Variants in TNKS observed in about 807,000 individuals in gnomAD.
The protein encoded by TNKS is tankyrase.
Under a neutral mutation model 135.8 loss-of-function variants are expected in TNKS, and 72 were observed. The ratio of observed to expected loss-of-function variants is 0.53; its 90% confidence interval spans 0.44 to 0.64. TNKS has a LOEUF of 0.64. TNKS is among the 30% of genes least tolerant of loss of function. The pLI is 0.00. For synonymous variants in TNKS, 849 were observed against 649.3 expected (o/e 1.31, Z -4.68); for missense variants, 1,769 against 1,674.0 (o/e 1.06, Z -0.99).
intron 2 of TNKS, among the ~76,000 whole-genome samples, chr8:9,599,031 C>T (rs1285667574): frequency 6.6e-6 from 1 of 151,588 alleles, no homozygotes; most frequent in African/African-American, 2.4e-5. Context: ...TAGAGTTGTG[C>T]AAGCTTTATG....
At chr8:9,570,206 A>C (rs571444575) in intron 1 of TNKS, among the ~76,000 whole-genome samples, 117 of 152,254 alleles carry the variant, frequency 7.7e-4, no homozygotes, top group Non-Finnish European at 1.5e-3. Context: ...TTGGGAGTCC[A>C]AGGTGGGAGG....
chr8:9,585,545 A>C (rs1798343369), intron 2 of TNKS, among the ~76,000 whole-genome samples: 1 of 152,238 alleles, frequency 6.6e-6, no homozygotes, highest in South Asian at 2.1e-4. Context: ...GAAAAAAATT[A>C]GGCAAAGGAC....
intron 2 of TNKS, among the ~76,000 whole-genome samples, chr8:9,590,529 T>C (rs1264508685): frequency 6.6e-6 from 1 of 152,210 alleles, no homozygotes; most frequent in Middle Eastern, 3.2e-3. Context: ...CTTTGTGCCT[T>C]AATATAAACA....
chr8:9,634,729 C>T (rs1038898941), intron 3 of TNKS, among the ~76,000 whole-genome samples: 1 of 152,098 alleles, frequency 6.6e-6, no homozygotes, highest in African/African-American at 2.4e-5. Flanking sequence ...AGCAGTGAGA[C>T]CCCAATAGCA....
At position 9,709,983 on chromosome 8, in the gene TNKS, A is replaced by T; in HGVS notation, c.1607A>T (p.Lys536Ile). 6.2e-7 allele frequency: 1 copy of T among 1,614,028 alleles called. No homozygotes were observed. The highest frequency in any genetic ancestry group is 8.5e-7 in the Non-Finnish European group (1 of 1,180,020). Residue 536 changes from lysine (K) to isoleucine (I), a missense_variant, in exon 10 of 27, where the codon AAA becomes ATA. Physicochemically the swap from Lys to Ile is moderately radical, Grantham distance 102 (BLOSUM62 -3). This residue lies in a region of TNKS where 523 missense variants were observed against 541.0 expected (regional missense o/e 0.97). Transcript: ENST00000310430. ...TGTGCTGTGGCCTCTCTGCATCCCAAACGTAAACAAGTGACAGAATTGTTA... is the reference window on the plus strand; with the variant it reads ...TGTGCTGTGGCCTCTCTGCATCCCATACGTAAACAAGTGACAGAATTGTTA... ...LHCAVASLHPKRKQVTELLLR... is the reference protein window; with the variant it reads ...LHCAVASLHPIRKQVTELLLR...
intron 2 of TNKS, among the ~76,000 whole-genome samples, chr8:9,594,044 G>C (rs548459484): frequency 1.4e-4 from 21 of 152,082 alleles, no homozygotes; most frequent in African/African-American, 5.1e-4. Context: ...CCGCCACCAC[G>C]CATGGCTATG....
intron 2 of TNKS, among the ~76,000 whole-genome samples, chr8:9,613,851 A>T (rs1326406473): frequency 6.6e-6 from 1 of 152,202 alleles, no homozygotes; most frequent in East Asian, 1.9e-4. Flanking sequence ...GACTTTCACT[A>T]TTTTACTTCT....
chr8:9,772,355 T>C (rs1022337202), intron 26 of TNKS: 7 of 455,106 alleles, frequency 1.5e-5, no homozygotes, highest in Non-Finnish European at 2.2e-5. Context: ...GATAGGCTTA[T>C]ATTATCTCTC....
At chr8:9,752,712 C>G (rs748927011) in intron 20 of TNKS, 86 bp downstream of exon 20, 4 of 872,952 alleles carry the variant, frequency 4.6e-6, no homozygotes, top group Non-Finnish European at 7.0e-6. Context: ...ACTCCCAACA[C>G]TTTGGAATGC....
At chr8:9,764,339 T>G (rs1255795649) in intron 22 of TNKS, among the ~76,000 whole-genome samples, 1 of 152,092 alleles carries the variant, frequency 6.6e-6, no homozygotes, top group Non-Finnish European at 1.5e-5. Context: ...GAACAAATAT[T>G]TTTTAAAAAT....
chr8:9,563,165 C>T (rs942748144), intron 1 of TNKS, among the ~76,000 whole-genome samples: 1 of 152,042 alleles, frequency 6.6e-6, no homozygotes, highest in African/African-American at 2.4e-5. Flanking sequence ...CAGCCATCAC[C>T]ATTGTCCATT....
chr8:9,635,031 G>T (rs1335368826), intron 3 of TNKS, among the ~76,000 whole-genome samples: 2 of 152,164 alleles, frequency 1.3e-5, no homozygotes, highest in East Asian at 1.9e-4. Context: ...TTAGCCGGGC[G>T]CGGTGGCAGG....
chr8:9,591,502 T>TG (rs1798589428), intron 2 of TNKS, among the ~76,000 whole-genome samples: 1 of 152,264 alleles, frequency 6.6e-6, no homozygotes, highest in Non-Finnish European at 1.5e-5. Context: ...GAAGCTGCGT[T>TG]GCCCTAATGG....
intron 17 of TNKS, 111 bp downstream of exon 17, chr8:9,735,597 G>A (rs1469080235): frequency 7.5e-6 from 6 of 800,182 alleles, no homozygotes; most frequent in Non-Finnish European, 8.4e-6. Context: ...TCAGGAGGTC[G>A]AGACAATCCT....
chr8:9,741,478 G>T (rs1364154362), intron 17 of TNKS, among the ~76,000 whole-genome samples: 1 of 152,022 alleles, frequency 6.6e-6, no homozygotes, highest in Non-Finnish European at 1.5e-5. Context: ...CAGTCACGGA[G>T]GATAAGGAAA....
chr8:9,692,221 G>T (rs914776290), intron 5 of TNKS, among the ~76,000 whole-genome samples: 1 of 152,076 alleles, frequency 6.6e-6, no homozygotes, highest in Non-Finnish European at 1.5e-5. Flanking sequence ...AGCAGTCCCC[G>T]GTGCCTGTTT....
Position 9,731,004 on chromosome 8 carries a change from C to G in TNKS, c.2116C>G (p.His706Asp), listed in dbSNP as rs531380646. 6.2e-7 allele frequency: 1 copy of G among 1,612,942 alleles called. No individual in the cohort carries two copies. The highest frequency in any genetic ancestry group is 8.5e-7 in the Non-Finnish European group (1 of 1,179,404). Reference protein sequence around the residue: ...RVSVVEYLLHHGADVHAKDKG... With the variant: ...RVSVVEYLLHDGADVHAKDKG... ...GTCTGTTGTAGAGTACCTGCTACAC[C>G]ACGGTGCCGATGTCCATGCCAAAGA... The change falls in exon 14 of 27, where the codon CAC becomes GAC. Residue 706 changes from histidine to aspartate, a missense_variant. Coordinates refer to ENST00000310430, the MANE Select transcript of TNKS (RefSeq NM_003747.3).
intron 2 of TNKS, among the ~76,000 whole-genome samples, chr8:9,582,453 A>G (rs754398467): frequency 3.9e-5 from 6 of 152,202 alleles, no homozygotes; most frequent in Admixed American, 2.0e-4. Context: ...TCATATCTCT[A>G]TATGTGGGGT....
intron 3 of TNKS, among the ~76,000 whole-genome samples, chr8:9,666,858 TG>T (rs1411672365): frequency 6.6e-6 from 1 of 152,198 alleles, no homozygotes; most frequent in Non-Finnish European, 1.5e-5. Flanking sequence ...TAATTGGCCC[TG>T]AATTGTCAAG....
Sources: gnomAD v4.1 joint callset for allele counts (sites outside exome capture counted in the v4.1 genomes callset) on GRCh38, gnomAD v4.1.1 for gene constraint, gnomAD v4.1.1 regional missense constraint, MANE v1.5 for transcripts, NCBI Gene and HGNC (gene_info 2026-07-23, HGNC 2026-07-21) for gene names.